The following SYT16 variants were observed in gnomAD, a reference collection of about 807,000 sequenced individuals.
SYT16 encodes the protein synaptotagmin 16, also known as synaptotagmin-16.
SYT16 carries 42 observed loss-of-function variants against 61.4 expected under a neutral mutation model. The ratio of observed to expected loss-of-function variants is 0.68; its 90% CI spans 0.53 to 0.89. SYT16 has a LOEUF of 0.89. Ranked by LOEUF, SYT16 falls within the 40% of genes least tolerant of loss-of-function variation. The pLI, the probability that SYT16 is intolerant of heterozygous loss-of-function variation, is 0.00. For synonymous variants in SYT16, 314 were observed against 302.3 expected (o/e 1.04, Z -0.40); for missense variants, 804 against 807.3 (o/e 1.00, Z 0.05).
rs1421603336 is a variant in SYT16, at chr14:61,991,946, G to GTTCA, written c.-144-3927_-144-3926insATTC. ...TTTAAATGTTTTCACTAATAACTTT[G>GTTCA]TTCGTTCATTCATTCATTCATTCAT... On this transcript the variant is annotated intron_variant, in intron 2 of 7. Transcript: ENST00000683842. Among the ~76,000 whole-genome samples the GTTCA allele has an allele frequency of 6.8e-3, 823 of 120,360 alleles. 3 individuals carry two copies. The highest frequency in any genetic ancestry group is 0.018 in the African/African-American group (516 of 29,188). 79.0% of individuals were successfully genotyped at this position (120,360 alleles called of 152,430 possible).
chr14:61,837,469 C>A (rs2046168066), intron 1 of SYT16, among the ~76,000 whole-genome samples: 1 of 151,706 alleles, frequency 6.6e-6, no homozygotes, highest in Non-Finnish European at 1.5e-5. Flanking sequence ...GAACTCCTGG[C>A]TTCAAGTGAT....
chr14:61,833,779 T>C (rs1221497062), intron 1 of SYT16, among the ~76,000 whole-genome samples: 1 of 149,808 alleles, frequency 6.7e-6, no homozygotes, highest in African/African-American at 2.4e-5. Context: ...TTCCTCGCTC[T>C]TTCTTTGCGC....
At chr14:61,986,622 C>A (rs1430701292) in intron 2 of SYT16, among the ~76,000 whole-genome samples, 5 of 151,934 alleles carry the variant, frequency 3.3e-5, no homozygotes, top group African/African-American at 4.8e-5. Flanking sequence ...CCACAACAGG[C>A]CCCGGTGTGT....
At chr14:62,045,601 A>T (rs970698764) in intron 3 of SYT16, among the ~76,000 whole-genome samples, 2 of 151,506 alleles carry the variant, frequency 1.3e-5, no homozygotes, top group Admixed American at 1.3e-4. Flanking sequence ...ATCTCTCCCC[A>T]CTTCCCCCAC....
At chr14:62,098,438 A>G (rs1279945896) in intron 7 of SYT16, among the ~76,000 whole-genome samples, 1 of 152,244 alleles carries the variant, frequency 6.6e-6, no homozygotes, top group Non-Finnish European at 1.5e-5. Flanking sequence ...TTATTTTATG[A>G]TGGTTCCATT....
chr14:62,035,901 G>A (rs902804737), intron 3 of SYT16, among the ~76,000 whole-genome samples: 2 of 152,086 alleles, frequency 1.3e-5, no homozygotes, highest in African/African-American at 4.8e-5. Context: ...AGTAGGATGG[G>A]GCTAATTAAT....
At chr14:61,974,002 G>A (rs2051674820) in intron 2 of SYT16, among the ~76,000 whole-genome samples, 1 of 152,192 alleles carries the variant, frequency 6.6e-6, no homozygotes, top group South Asian at 2.1e-4. Flanking sequence ...AGTGCCGCAT[G>A]CTTCTTTTTG....
chr14:61,866,563 C>T (rs964717099), intron 1 of SYT16, among the ~76,000 whole-genome samples: 1 of 151,968 alleles, frequency 6.6e-6, no homozygotes, highest in Non-Finnish European at 1.5e-5. Context: ...GCCATCTATA[C>T]CTATTCTTTG....
At chr14:62,043,151 G>A (rs1347779451) in intron 3 of SYT16, among the ~76,000 whole-genome samples, 1 of 126,314 alleles carries the variant, frequency 7.9e-6, no homozygotes, top group Non-Finnish European at 1.7e-5. Context: ...TTTATTTCTT[G>A]CTTTCCAGTT....
At chr14:62,094,349 G>A (rs2057192628) in intron 7 of SYT16, among the ~76,000 whole-genome samples, 1 of 152,028 alleles carries the variant, frequency 6.6e-6, no homozygotes, top group African/African-American at 2.4e-5. Flanking sequence ...ATACTGGTCA[G>A]TTCTTTCCCA....
intron 1 of SYT16, among the ~76,000 whole-genome samples, chr14:61,853,164 C>T (rs2046667588): frequency 6.6e-6 from 1 of 152,196 alleles, no homozygotes; most frequent in Non-Finnish European, 1.5e-5. Context: ...AATGATCCAC[C>T]CGCTTTGGCC....
chr14:62,049,692 C>A (rs1307429761), intron 3 of SYT16, among the ~76,000 whole-genome samples: 1 of 152,146 alleles, frequency 6.6e-6, no homozygotes, highest in Non-Finnish European at 1.5e-5. Context: ...AATCTCTCAG[C>A]ATTTGCTTGT....
At chr14:61,824,504 C>T (rs1355577221) in intron 1 of SYT16, among the ~76,000 whole-genome samples, 1 of 152,170 alleles carries the variant, frequency 6.6e-6, no homozygotes, top group African/African-American at 2.4e-5. Flanking sequence ...AGGCACCTGC[C>T]ACCACGCCTG....
chr14:62,024,079 T>C (rs1049269502), intron 3 of SYT16, among the ~76,000 whole-genome samples: 1 of 152,116 alleles, frequency 6.6e-6, no homozygotes, highest in Non-Finnish European at 1.5e-5. Flanking sequence ...TTTACAAATA[T>C]TAGTAAAACA....
intron 7 of SYT16, among the ~76,000 whole-genome samples, chr14:62,090,060 A>T (rs1027795241): frequency 6.6e-6 from 1 of 152,242 alleles, no homozygotes; most frequent in Non-Finnish European, 1.5e-5. Context: ...TTATTAAATG[A>T]GGTTAACAAG....
chr14:62,087,752 G>A (rs1230835613), intron 7 of SYT16, among the ~76,000 whole-genome samples: 2 of 151,990 alleles, frequency 1.3e-5, no homozygotes. Context: ...CAGAGGAACT[G>A]AACAAACAGT....
chr14:62,085,925 T>C (rs759279893), intron 7 of SYT16, among the ~76,000 whole-genome samples: 1 of 152,248 alleles, frequency 6.6e-6, no homozygotes, highest in Non-Finnish European at 1.5e-5. Flanking sequence ...TCTGAACTTT[T>C]GCTAACCTCT....
In SYT16 at chr14:62,081,257, C is replaced by A. The variant is rs866032726; in HGVS notation, c.1417C>A (p.Pro473Thr). 6.2e-7 allele frequency: 1 copy of A among 1,613,494 alleles called. No homozygotes were observed. Among genetic ancestry groups the A allele is most frequent in the Non-Finnish European group, 8.5e-7 (1 of 1,179,690 alleles). The change falls in exon 6 of 8, where the codon CCA (proline) becomes ACA (threonine). Residue 473 changes from proline (P) to threonine (T), a missense_variant. Physicochemically the swap from Pro to Thr is conservative, Grantham distance 38. Transcript: ENST00000683842. ...GEMKVTLVLE[P>T]RSNISSGGSP... is the part of the protein sequence containing the mutation. The stretch of plus-strand genomic sequence containing the variant: ...AATGAAAGTGACTCTGGTTCTGGAG[C>A]CAAGAAGTAATATAAGCGTGAGTAT...
At chr14:62,048,910 T>A (rs1052847244) in intron 3 of SYT16, among the ~76,000 whole-genome samples, 2 of 152,206 alleles carry the variant, frequency 1.3e-5, no homozygotes, top group Non-Finnish European at 2.9e-5. Flanking sequence ...GTGGCCAATT[T>A]TGGAATAGGT....
Sources: allele counts gnomAD v4.1 joint callset (sites outside exome capture counted in the v4.1 genomes callset), GRCh38; gene constraint gnomAD v4.1.1; transcripts MANE v1.5; gene names NCBI Gene and HGNC (gene_info 2026-07-23, HGNC 2026-07-21).